Variants in ANXA4 observed in about 807,000 individuals in gnomAD.
The protein encoded by ANXA4 is annexin A4, also known as 35-beta calcimedin.
Under a neutral mutation model 49.8 loss-of-function variants are expected in ANXA4, and 39 were observed. The observed-to-expected ratio is 0.78, with a 90% CI of 0.61 to 1.02. The LOEUF (loss-of-function observed/expected upper bound fraction) is 1.02. ANXA4 is among the 50% of genes least tolerant of loss of function. ANXA4 has a pLI of 0.00. For missense variants in ANXA4, 360 were observed against 410.1 expected (o/e 0.88, Z 1.05); for synonymous variants, 134 against 152.5 (o/e 0.88, Z 0.89).
intron 10 of ANXA4, 50 bp from the exon 11 acceptor site, chr2:69,819,230 A>G (rs544209537): frequency 3.7e-6 from 5 of 1,345,506 alleles, no homozygotes; most frequent in South Asian, 1.3e-5. Flanking sequence ...TTCTTTTTTC[A>G]TGGGTCTTAT....
At chr2:69,693,055 A>G (rs1678026406) in intron 2 of ANXA4, among the ~76,000 whole-genome samples, 1 of 152,214 alleles carries the variant, frequency 6.6e-6, no homozygotes, top group African/African-American at 2.4e-5. Flanking sequence ...GGGTTATATT[A>G]GGTTAAATAG....
At chr2:69,816,584 T>G (rs754406699) in intron 9 of ANXA4, 23 of 167,336 alleles carry the variant, frequency 1.4e-4, no homozygotes, top group Non-Finnish European at 2.2e-4. Flanking sequence ...CTGTGTAATA[T>G]CCAAGCTGTA....
intron 2 of ANXA4, among the ~76,000 whole-genome samples, chr2:69,703,554 T>G (rs1169553242): frequency 6.6e-6 from 1 of 152,140 alleles, no homozygotes; most frequent in African/African-American, 2.4e-5. Context: ...ACTTTTAGAG[T>G]CTCATTTTAA....
chr2:69,816,398 G>C, intron 9 of ANXA4: 1 of 488,282 alleles, frequency 2.0e-6, no homozygotes, highest in Non-Finnish European at 3.7e-6. Flanking sequence ...TGAATAATTA[G>C]AAAAAGTGCA....
chr2:69,661,149 A>G (rs968341203), intron 2 of ANXA4, among the ~76,000 whole-genome samples: 1 of 152,050 alleles, frequency 6.6e-6, no homozygotes, highest in Non-Finnish European at 1.5e-5. Context: ...AGGAAAATAT[A>G]AAAATAAATC....
In ANXA4 at chr2:69,826,115, T is replaced by C. The variant is rs1674461317; in HGVS notation, c.*600T>C. 2 of 152,676 alleles carry C rather than the reference T, an allele frequency of 1.3e-5. No homozygotes were observed. Among genetic ancestry groups the C allele is most frequent in the Admixed American group, 1.3e-4 (2 of 15,284 alleles). 9.5% of individuals were successfully genotyped at this position (152,676 alleles called of 1,614,324 possible). A position where few individuals can be genotyped will look rare whatever the true frequency, so the allele number is the denominator to read the frequency against. ...CTTATGTTGAAATCACTTTCTGTAG[T>C]CAAAGTATACCAAAACCAATTTATC... On this transcript the variant is annotated 3_prime_UTR_variant, in exon 13 of 13. Transcript: ENST00000394295.
At chr2:69,733,953 C>CTTTTTT in intron 3 of ANXA4, among the ~76,000 whole-genome samples, 1 of 151,330 alleles carries the variant, frequency 6.6e-6, no homozygotes, top group African/African-American at 2.4e-5. Flanking sequence ...ATGGGATGAG[C>CTTTTTT]TATTTTTTTT....
chr2:69,804,738 T>G, intron 4 of ANXA4, 111 bp downstream of exon 4: 1 of 946,340 alleles, frequency 1.1e-6, no homozygotes, highest in Non-Finnish European at 1.6e-6. Context: ...AGATCGATCC[T>G]TTGTCTTGTT....
At chr2:69,816,426 G>A in intron 9 of ANXA4, 3 of 387,752 alleles carry the variant, frequency 7.7e-6, no homozygotes, top group Non-Finnish European at 1.4e-5. Flanking sequence ...ATAGAAGTTT[G>A]GCATTCTTGT....
chr2:69,651,419 C>A (rs183360787), intron 1 of ANXA4, among the ~76,000 whole-genome samples: 167 of 152,292 alleles, frequency 1.1e-3, no homozygotes, highest in African/African-American at 4.0e-3. Context: ...TTGATTCTTA[C>A]TTGCCTTACT....
At chr2:69,779,174 A>G (rs1009457009) in intron 1 of ANXA4, among the ~76,000 whole-genome samples, 1 of 151,692 alleles carries the variant, frequency 6.6e-6, no homozygotes, top group Non-Finnish European at 1.5e-5. Context: ...TTTTAATGAA[A>G]TAAGGGGAGC....
At chr2:69,676,210 A>G (rs1383407485) in intron 2 of ANXA4, among the ~76,000 whole-genome samples, 1 of 152,100 alleles carries the variant, frequency 6.6e-6, no homozygotes, top group Non-Finnish European at 1.5e-5. Context: ...TCTTGAGTTT[A>G]GAATAGTAGG....
rs55970370 is a variant in ANXA4 at position 69,663,293 on chromosome 2, CTTTTTTTTTTTTTTTT to C, written n.766+10030_766+10045del. Among the ~76,000 whole-genome samples the C allele has an allele frequency of 5.4e-4, 23 of 42,834 alleles. No individual in the cohort carries two copies. The East Asian group carries it at 5.7e-3, about 11-fold the overall frequency. 28.1% of individuals were successfully genotyped at this position (42,834 alleles called of 152,430 possible). A position where few individuals can be genotyped will look rare whatever the true frequency, so the allele number is the denominator to read the frequency against. ...ACAGGCGTGAGCCAATGCACCCGGC[CTTTTTTTTTTTTTTTT>C]TTTTTTTTTTTTTTTTTTGCTAAAT... On this transcript the variant is annotated intron_variant and non_coding_transcript_variant, in intron 2 of 3. Coordinates refer to the ANXA4 transcript ENST00000418066.
chr2:69,774,336 CCCCCT>C (rs1671875251), intron 1 of ANXA4, among the ~76,000 whole-genome samples: 1 of 123,814 alleles, frequency 8.1e-6, no homozygotes, highest in Admixed American at 8.3e-5. Context: ...AGCCCCCCCC[CCCCCT>C]TTTTTTTTTT....
At chr2:69,717,919 CTAAG>C (rs1336563569) in intron 2 of ANXA4, among the ~76,000 whole-genome samples, 1 of 152,158 alleles carries the variant, frequency 6.6e-6, no homozygotes, top group Admixed American at 6.5e-5. Flanking sequence ...CAGGGGTCCT[CTAAG>C]TAAGAAAGCT....
intron 1 of ANXA4, among the ~76,000 whole-genome samples, chr2:69,744,852 C>T (rs77111681): frequency 0.035 from 5,288 of 152,284 alleles, 90 homozygotes; most frequent in East Asian, 0.048. Context: ...TTTGTGGCTT[C>T]GTAGATTGTT....
At chr2:69,773,931 C>T (rs1166652955) in intron 1 of ANXA4, among the ~76,000 whole-genome samples, 1 of 151,998 alleles carries the variant, frequency 6.6e-6, no homozygotes, top group Non-Finnish European at 1.5e-5. Flanking sequence ...CGCCCGTCCT[C>T]AAGCAATTCT....
At chr2:69,716,793 T>C (rs1367206693) in intron 2 of ANXA4, among the ~76,000 whole-genome samples, 1 of 152,174 alleles carries the variant, frequency 6.6e-6, no homozygotes, top group Non-Finnish European at 1.5e-5. Context: ...GAGTTGTGTT[T>C]TGTTCATGTG....
intron 3 of ANXA4, 139 bp downstream of exon 3, chr2:69,788,280 C>A: frequency 1.4e-6 from 1 of 729,500 alleles, no homozygotes; most frequent in Non-Finnish European, 2.3e-6. Flanking sequence ...GGGCTCATGC[C>A]TGTCATCTCA....
Sources: gnomAD v4.1 joint callset for allele counts (sites outside exome capture counted in the v4.1 genomes callset) on GRCh38, gnomAD v4.1.1 for gene constraint, MANE v1.5 for transcripts, NCBI Gene and HGNC (gene_info 2026-07-23, HGNC 2026-07-21) for gene names.